The following KCNH5 variants were observed in gnomAD, a reference collection of about 807,000 sequenced individuals.
KCNH5 encodes voltage-gated delayed rectifier potassium channel KCNH5.
KCNH5 carries 46 observed loss-of-function variants against 96.1 expected under a neutral mutation model. The ratio of observed to expected loss-of-function variants is 0.48; its 90% confidence interval spans 0.38 to 0.61. The LOEUF is 0.61. Among genes scored for constraint, KCNH5 ranks in the 20% least tolerant of loss-of-function variants. KCNH5 has a pLI of 0.00. For synonymous variants in KCNH5, 439 were observed against 449.8 expected, an observed-to-expected ratio of 0.98 and a Z score of 0.30; for missense variants, 907 against 1,225.8, an observed-to-expected ratio of 0.74 and a Z score of 3.88.
chr14:62,896,285 A>C (rs2140089138), intron 7 of KCNH5, among the ~76,000 whole-genome samples: 1 of 152,340 alleles, frequency 6.6e-6, no homozygotes, highest in Admixed American at 6.5e-5. Context: ...TGGCTGCATA[A>C]GGACCTATAT....
chr14:62,772,211 C>CT (rs199727225), intron 10 of KCNH5, among the ~76,000 whole-genome samples: 39 of 150,976 alleles, frequency 2.6e-4, no homozygotes, highest in Admixed American at 6.6e-4. Context: ...CCTTCCCTTC[C>CT]TTTTTTTTTG....
At chr14:62,720,176 G>C (rs183660629) in intron 10 of KCNH5, among the ~76,000 whole-genome samples, 1 of 152,270 alleles carries the variant, frequency 6.6e-6, no homozygotes, top group Admixed American at 6.5e-5. Context: ...AAAATGCTTT[G>C]TATGTTTCAA....
intron 10 of KCNH5, among the ~76,000 whole-genome samples, chr14:62,717,456 C>T (rs2088042307): frequency 6.6e-6 from 1 of 152,090 alleles, no homozygotes. Context: ...CAGTGGAATA[C>T]AACTGAGAGT....
intron 8 of KCNH5, among the ~76,000 whole-genome samples, chr14:62,832,626 T>C (rs1331619082): frequency 1.3e-5 from 2 of 152,046 alleles, no homozygotes; most frequent in East Asian, 1.9e-4. Context: ...TACCCAGGAG[T>C]GGGATTGTTA....
intron 8 of KCNH5, among the ~76,000 whole-genome samples, chr14:62,816,992 T>C (rs377581900): frequency 1.6e-4 from 24 of 149,612 alleles, no homozygotes; most frequent in Admixed American, 7.4e-4. Context: ...TGTTTGGTTC[T>C]TTTTTGTGAC....
At chr14:62,987,437 A>T (rs1458153066) in intron 4 of KCNH5, among the ~76,000 whole-genome samples, 1 of 152,302 alleles carries the variant, frequency 6.6e-6, no homozygotes, top group East Asian at 1.9e-4. Context: ...CCTGTAGCCA[A>T]TGCAACTAGC....
chr14:62,840,997 C>A (rs1004137287), intron 8 of KCNH5, among the ~76,000 whole-genome samples: 1 of 151,762 alleles, frequency 6.6e-6, no homozygotes, highest in African/African-American at 2.4e-5. Flanking sequence ...AGTAAAGGAA[C>A]TAAAAGTGGA....
intron 4 of KCNH5, among the ~76,000 whole-genome samples, chr14:63,000,177 C>T (rs1366696909): frequency 6.6e-6 from 1 of 151,992 alleles, no homozygotes; most frequent in Non-Finnish European, 1.5e-5. Flanking sequence ...GTGATTTTTT[C>T]TATAATTATG....
chr14:62,746,598 G>T (rs897013035), intron 10 of KCNH5, among the ~76,000 whole-genome samples: 1 of 152,128 alleles, frequency 6.6e-6, no homozygotes, highest in Admixed American at 6.5e-5. Flanking sequence ...CTCTGTTTTC[G>T]GCTGGTGACT....
At chr14:62,956,708 A>G (rs188291339) in intron 6 of KCNH5, among the ~76,000 whole-genome samples, 1 of 151,954 alleles carries the variant, frequency 6.6e-6, no homozygotes, top group East Asian at 1.9e-4. Flanking sequence ...CACTCTCATA[A>G]CCTTTAGATT....
At chr14:62,770,258 T>C (rs1885957942) in intron 10 of KCNH5, among the ~76,000 whole-genome samples, 1 of 152,170 alleles carries the variant, frequency 6.6e-6, no homozygotes, top group Admixed American at 6.5e-5. Flanking sequence ...TTCCAGTATG[T>C]TTTTCATTTA....
intron 1 of KCNH5, among the ~76,000 whole-genome samples, chr14:63,037,013 T>C (rs1313552678): frequency 6.6e-6 from 1 of 152,112 alleles, no homozygotes; most frequent in Non-Finnish European, 1.5e-5. Flanking sequence ...CAGAAGGAAA[T>C]GGTGACTAAG....
At chr14:62,937,589 G>T (rs537401751) in intron 7 of KCNH5, among the ~76,000 whole-genome samples, 68 of 152,204 alleles carry the variant, frequency 4.5e-4, no homozygotes, top group Non-Finnish European at 8.8e-4. Context: ...CTGCTGCAAT[G>T]AAGATGAGTG....
intron 6 of KCNH5, among the ~76,000 whole-genome samples, chr14:62,969,945 T>C (rs1348461554): frequency 3.6e-5 from 5 of 140,066 alleles, no homozygotes; most frequent in Non-Finnish European, 6.0e-5. Flanking sequence ...GCCTGTAGCA[T>C]GAGAATCACT....
chr14:62,893,424 C>T (rs1396789236), intron 7 of KCNH5, among the ~76,000 whole-genome samples: 2 of 152,206 alleles, frequency 1.3e-5, no homozygotes, highest in African/African-American at 4.8e-5. Context: ...GGTGAAGATA[C>T]TATGAACATT....
At chr14:62,856,245 C>T (rs1014807849) in intron 7 of KCNH5, among the ~76,000 whole-genome samples, 5 of 152,230 alleles carry the variant, frequency 3.3e-5, no homozygotes, top group East Asian at 1.9e-4. Flanking sequence ...CCAGTTATTT[C>T]GTTTGCTCAT....
At chr14:62,934,940 G>A (rs1889650626) in intron 7 of KCNH5, among the ~76,000 whole-genome samples, 1 of 152,122 alleles carries the variant, frequency 6.6e-6, no homozygotes, top group Non-Finnish European at 1.5e-5. Flanking sequence ...ACCCAAAATA[G>A]GTTGAAGGGA....
At chr14:62,953,850 A>C (rs549880324) in intron 6 of KCNH5, among the ~76,000 whole-genome samples, 1 of 152,188 alleles carries the variant, frequency 6.6e-6, no homozygotes, top group African/African-American at 2.4e-5. Flanking sequence ...GCTTCCTCTA[A>C]TTCACAGATC....
intron 7 of KCNH5, among the ~76,000 whole-genome samples, chr14:62,910,942 C>CA (rs1555363114): frequency 1.7e-4 from 11 of 63,576 alleles, no homozygotes; most frequent in African/African-American, 5.1e-4. Context: ...CACACACACA[C>CA]CCCTCTGTTG....
Sources: allele counts gnomAD v4.1 joint callset (sites outside exome capture counted in the v4.1 genomes callset), GRCh38; gene constraint gnomAD v4.1.1; transcripts MANE v1.5; gene names NCBI Gene and HGNC (gene_info 2026-07-23, HGNC 2026-07-21).